The following NCKAP1L variants were observed in gnomAD, a reference collection of about 807,000 sequenced individuals.
The protein encoded by NCKAP1L is NCK associated protein 1 like, also known as nck-associated protein 1-like.
Under a neutral mutation model 139.2 loss-of-function variants are expected in NCKAP1L, and 53 were observed. That is an observed-to-expected ratio of 0.38 (90% CI 0.31 to 0.48). NCKAP1L has a LOEUF of 0.48. NCKAP1L is among the 20% of genes least tolerant of loss of function. The pLI, the probability that NCKAP1L is intolerant of heterozygous loss-of-function variation, is 0.98. For synonymous variants in NCKAP1L, 468 were observed against 499.7 expected, an observed-to-expected ratio of 0.94 and a Z score of 0.85; for missense variants, 1,151 against 1,381.9, an observed-to-expected ratio of 0.83 and a Z score of 2.65.
intron 3 of NCKAP1L, 179 bp downstream of exon 3, chr12:54,500,804 C>A: frequency 1.9e-6 from 1 of 535,670 alleles, no homozygotes; most frequent in Non-Finnish European, 3.4e-6. Flanking sequence ...GTATATGATA[C>A]ATCACATTTC....
chr12:54,539,095 C>A, intron 30 of NCKAP1L, 122 bp downstream of exon 30: 1 of 739,772 alleles, frequency 1.4e-6, no homozygotes. Context: ...AAGGACTTAA[C>A]TCTGCATAAC....
intron 22 of NCKAP1L, among the ~76,000 whole-genome samples, chr12:54,530,311 C>G (rs1006755173): frequency 6.6e-6 from 1 of 152,228 alleles, no homozygotes; most frequent in Non-Finnish European, 1.5e-5. Context: ...AGCTAGAGCT[C>G]CTTCCTATCT....
chr12:54,541,113 C>A (rs7973005), intron 30 of NCKAP1L, among the ~76,000 whole-genome samples: 3,395 of 152,292 alleles, frequency 0.022, 113 homozygotes, highest in African/African-American at 0.078. Context: ...GCACAGGTTT[C>A]CTGGGGAAAG....
At chr12:54,511,714 A>T in intron 7 of NCKAP1L, 89 bp from the exon 8 acceptor site, 1 of 1,445,298 alleles carries the variant, frequency 6.9e-7, no homozygotes, top group Non-Finnish European at 9.5e-7. Context: ...GCCAAAAGTT[A>T]GTTTTGATAC....
chr12:54,523,898 G>A lies in NCKAP1L; in HGVS notation c.2098G>A (p.Glu700Lys). 1 of 1,614,162 alleles carries A rather than the reference G, an allele frequency of 6.2e-7. No individual in the cohort carries two copies. The highest frequency in any genetic ancestry group is 8.5e-7 in the Non-Finnish European group (1 of 1,180,018). ...MNHVYSFSVF[E>K]HTIFPSEYLS... ...TCATGTATACAGTTTCTCCGTGTTT[G>A]AACATACTATCTTCCCTTCTGAGTA... The change falls in exon 20 of 31, where the codon GAA (glutamate) becomes AAA (lysine). Residue 700 changes from glutamate (E) to lysine (K), a missense_variant. Coordinates refer to ENST00000293373, the MANE Select transcript of NCKAP1L (RefSeq NM_005337.5).
At position 54,517,806 on chromosome 12, in the gene NCKAP1L, G is replaced by A. The variant is rs1027150206; in HGVS notation, c.1206G>A (p.Ser402=). The A allele has an allele frequency of 6.2e-7, 1 of 1,614,070 alleles. No individual in the cohort carries two copies. Among genetic ancestry groups the A allele is most frequent in the Non-Finnish European group, 8.5e-7 (1 of 1,180,004 alleles). The stretch of plus-strand genomic sequence containing the variant: ...TCTGTTCTCATCCTAAACTTTATAG[G>A]AGCATTGCAGAGCTACTTTTCTTGT... ...KTKTPEDYAD[S]SIAELLFLLE... Residue 402 remains serine (S), a splice_region_variant and synonymous_variant, in exon 13 of 31, where the codon TCG becomes TCA. Transcript: ENST00000293373.
intron 30 of NCKAP1L, among the ~76,000 whole-genome samples, chr12:54,540,364 A>C (rs1479597366): frequency 1.3e-5 from 2 of 152,082 alleles, no homozygotes; most frequent in Admixed American, 6.6e-5. Context: ...AGGAGAATGG[A>C]CTTGGGGGTG....
intron 18 of NCKAP1L, among the ~76,000 whole-genome samples, chr12:54,522,651 G>A (rs1956993235): frequency 6.6e-6 from 1 of 152,196 alleles, no homozygotes; most frequent in Non-Finnish European, 1.5e-5. Context: ...AAAAAAAGAA[G>A]GCACGACTAA....
chr12:54,514,480 C>T (rs889424510), intron 9 of NCKAP1L, among the ~76,000 whole-genome samples: 2 of 152,062 alleles, frequency 1.3e-5, no homozygotes, highest in Non-Finnish European at 2.9e-5. Flanking sequence ...TACAACCACC[C>T]CCAGCTAATT....
At chr12:54,532,518 G>A (rs916492247) in intron 26 of NCKAP1L, among the ~76,000 whole-genome samples, 4 of 152,126 alleles carry the variant, frequency 2.6e-5, no homozygotes, top group African/African-American at 9.7e-5. Flanking sequence ...ACCTAGGATA[G>A]TATCTGTAGG....
At chr12:54,509,804 G>A (rs781074019) in intron 6 of NCKAP1L, 44 bp from the exon 7 acceptor site, 1 of 1,614,160 alleles carries the variant, frequency 6.2e-7, no homozygotes, top group Non-Finnish European at 8.5e-7. Context: ...AAAGTATATT[G>A]TCCTCATGAT....
At chr12:54,541,997 C>A (rs1439371765) in intron 30 of NCKAP1L, among the ~76,000 whole-genome samples, 1 of 151,904 alleles carries the variant, frequency 6.6e-6, no homozygotes, top group African/African-American at 2.4e-5. Context: ...TATCTTCCTG[C>A]TTGGCTGTGG....
chr12:54,513,555 G>A (rs61923484), intron 9 of NCKAP1L, among the ~76,000 whole-genome samples: 1,981 of 152,220 alleles, frequency 0.013, 16 homozygotes, highest in Non-Finnish European at 0.018. Context: ...AAAGAAGAGG[G>A]AAAAGAGAAG....
intron 3 of NCKAP1L, among the ~76,000 whole-genome samples, chr12:54,505,515 T>G (rs558389814): frequency 6.6e-6 from 1 of 151,976 alleles, no homozygotes; most frequent in Non-Finnish European, 1.5e-5. Context: ...ACTGATCTAC[T>G]TTCTAGAATA....
In NCKAP1L at chr12:54,533,476, A is replaced by C. The variant is rs192308961; in HGVS notation, c.2862+1226A>C. Among the ~76,000 whole-genome samples the C allele has an allele frequency of 4.0e-3, 606 of 152,278 alleles. 5 individuals are homozygous for C. The highest frequency in any genetic ancestry group is 0.014 in the African/African-American group (570 of 41,566). ...TGGTTCCACAAACGGTCATTTAGGTAGTAGGGGATTTAAATAAGGGCAGAA... is the reference window on the plus strand; with the variant it reads ...TGGTTCCACAAACGGTCATTTAGGTCGTAGGGGATTTAAATAAGGGCAGAA... On this transcript the variant is annotated intron_variant, in intron 26 of 30. Transcript: ENST00000293373.
intron 28 of NCKAP1L, 87 bp from the exon 29 acceptor site, chr12:54,536,857 T>A: frequency 1.2e-6 from 1 of 866,338 alleles, no homozygotes. Context: ...CCTGAAAACA[T>A]GAGAAATTAC....
Position 54,542,581 on chromosome 12 carries a change from G to A in NCKAP1L, c.3280G>A (p.Glu1094Lys), listed in dbSNP as rs1358945832. 1.9e-6 allele frequency: 3 copies of A among 1,612,704 alleles called. No homozygotes were observed. Among genetic ancestry groups the A allele is most frequent in the African/African-American group, 2.7e-5 (2 of 74,894 alleles). The change falls in exon 31 of 31, where the codon GAG (glutamate) becomes AAG (lysine). Residue 1094 changes from glutamate to lysine, a missense_variant. Physicochemically the swap from Glu to Lys is moderately conservative, Grantham distance 56 (BLOSUM62 1). Transcript: ENST00000293373. Reference sequence around the variant, plus strand: ...TTGGCCCCATCTCTTTCAGGTGGTGGAGGAGTCATCCTTCCTGACCCTGGA... The same window carrying A: ...TTGGCCCCATCTCTTTCAGGTGGTGAAGGAGTCATCCTTCCTGACCCTGGA... ...SISLLMRLVV[E>K]ESSFLTLDML...
In NCKAP1L at chr12:54,518,007, A is replaced by G. The variant is rs1853586976; in HGVS notation, c.1338+69A>G. 2.4e-5 allele frequency: 38 copies of G among 1,570,006 alleles called. No homozygotes were observed. The Admixed American group carries it at 6.4e-4, about 26-fold the overall frequency. ...CCCTAGTGATTTTCCTATTGAAACC[A>G]CTCTGGCTGAATCTCATGCTCTGTA... On this transcript the variant is annotated intron_variant, in intron 13 of 30. Transcript: ENST00000293373.
At chr12:54,529,300 A>C (rs1957050129) in intron 22 of NCKAP1L, among the ~76,000 whole-genome samples, 1 of 152,186 alleles carries the variant, frequency 6.6e-6, no homozygotes, top group African/African-American at 2.4e-5. Context: ...AGGGGGAGAC[A>C]GGTAAGGAGT....
Sources: gnomAD v4.1 joint callset for allele counts (sites outside exome capture counted in the v4.1 genomes callset) on GRCh38, gnomAD v4.1.1 for gene constraint, MANE v1.5 for transcripts, NCBI Gene and HGNC (gene_info 2026-07-23, HGNC 2026-07-21) for gene names.